MCM9: variants seen among roughly 807,000 people sequenced by gnomAD.
MCM9 encodes DNA helicase MCM9.
A neutral mutation model predicts 72.8 loss-of-function variants in MCM9; 55 were observed. That is an observed-to-expected ratio of 0.76 (90% CI 0.61 to 0.95). The LOEUF (loss-of-function observed/expected upper bound fraction) is 0.95, where lower values mean the gene tolerates loss of function less well. Among genes scored for constraint, MCM9 ranks in the 40% least tolerant of loss-of-function variants. MCM9 has a pLI of 0.00. For missense variants in MCM9, 1,279 were observed against 1,377.0 expected (o/e 0.93, Z 1.13); for synonymous variants, 480 against 503.4 (o/e 0.95, Z 0.62).
At chr6:118,904,176 G>T (rs904903302) in intron 8 of MCM9, among the ~76,000 whole-genome samples, 2 of 152,150 alleles carry the variant, frequency 1.3e-5, no homozygotes, top group African/African-American at 4.8e-5. Flanking sequence ...AAAATTCTAA[G>T]CAATATTCCA....
intron 7 of MCM9, chr6:118,913,010 AAC>A (rs1780665851): frequency 3.6e-6 from 1 of 276,772 alleles, no homozygotes; most frequent in Non-Finnish European, 6.8e-6. Flanking sequence ...TCCAACAAAA[AAC>A]ACAGTAATAG....
chr6:118,838,156 A>ATTTTTTT (rs1258185851), intron 9 of MCM9, among the ~76,000 whole-genome samples: 2 of 141,114 alleles, frequency 1.4e-5, no homozygotes, highest in African/African-American at 5.5e-5. Flanking sequence ...TGGGTTGAAA[A>ATTTTTTT]TTCTTTTTTT....
intron 8 of MCM9, among the ~76,000 whole-genome samples, chr6:118,896,189 T>C (rs922289881): frequency 6.6e-6 from 1 of 152,168 alleles, no homozygotes; most frequent in Non-Finnish European, 1.5e-5. Flanking sequence ...TGAAGTCATT[T>C]GATTACTCTC....
At chr6:118,906,298 C>T (rs1416115756) in intron 8 of MCM9, among the ~76,000 whole-genome samples, 1 of 152,110 alleles carries the variant, frequency 6.6e-6, no homozygotes, top group African/African-American at 2.4e-5. Flanking sequence ...GTCTCCAACT[C>T]CTGACCTCAA....
chr6:118,875,482 C>T (rs36136292), intron 8 of MCM9, among the ~76,000 whole-genome samples: 5 of 151,732 alleles, frequency 3.3e-5, no homozygotes, highest in African/African-American at 1.2e-4. Flanking sequence ...ACAAAATACC[C>T]AAAACTAGCC....
intron 8 of MCM9, among the ~76,000 whole-genome samples, chr6:118,872,318 C>CAAAAA (rs36127301): frequency 7.1e-6 from 1 of 140,048 alleles, no homozygotes. Flanking sequence ...GACTCCATCT[C>CAAAAA]AAAAAAAAAA....
At chr6:118,933,284 G>A (rs1295742582) in intron 1 of MCM9, among the ~76,000 whole-genome samples, 3 of 152,076 alleles carry the variant, frequency 2.0e-5, no homozygotes, top group African/African-American at 7.2e-5. Flanking sequence ...TGGATCACGA[G>A]GTCAGGAGAT....
chr6:118,888,594 AC>A (rs1778749604), intron 8 of MCM9, among the ~76,000 whole-genome samples: 1 of 152,162 alleles, frequency 6.6e-6, no homozygotes, highest in Non-Finnish European at 1.5e-5. Context: ...AAAAATGAAA[AC>A]ATTTGTCCCA....
chr6:118,888,282 C>A (rs1001065141), intron 8 of MCM9, among the ~76,000 whole-genome samples: 5 of 152,014 alleles, frequency 3.3e-5, no homozygotes, highest in Non-Finnish European at 7.4e-5. Context: ...GTCAGTAGAT[C>A]GAGACCATCC....
chr6:118,845,956 C>T lies in MCM9; in HGVS notation c.1325+10415G>A, dbSNP rs536877582. ...GATTCTAAAGGATATGAACAAATCT[C>T]ATTCCATTTCTATATTTGAGCTCTT... On this transcript the variant is annotated intron_variant, in intron 9 of 13. Coordinates refer to ENST00000619706, the MANE Select transcript of MCM9 (RefSeq NM_017696.3). Among the ~76,000 whole-genome samples, 5 of 151,914 alleles carry T rather than the reference C, an allele frequency of 3.3e-5. No homozygotes were observed. The South Asian group carries it at 6.2e-4, about 19-fold the overall frequency.
intron 8 of MCM9, among the ~76,000 whole-genome samples, chr6:118,906,480 A>T (rs1006697363): frequency 6.6e-6 from 1 of 152,176 alleles, no homozygotes; most frequent in African/African-American, 2.4e-5. Context: ...AGGACAAACA[A>T]ATGCATTTTT....
At chr6:118,831,480 T>C (rs1393454943) in intron 9 of MCM9, among the ~76,000 whole-genome samples, 2 of 151,810 alleles carry the variant, frequency 1.3e-5, no homozygotes, top group Non-Finnish European at 2.9e-5. Context: ...GAGGAGATTA[T>C]GAGAGATAAG....
At chr6:118,900,366 A>G (rs1779726147) in intron 8 of MCM9, among the ~76,000 whole-genome samples, 2 of 152,206 alleles carry the variant, frequency 1.3e-5, no homozygotes, top group African/African-American at 4.8e-5. Flanking sequence ...TGATATACAA[A>G]AAAAGGGGGA....
intron 8 of MCM9, chr6:118,894,596 C>T (rs1779215239): frequency 7.7e-7 from 1 of 1,292,808 alleles, no homozygotes; most frequent in African/African-American, 1.5e-5. Flanking sequence ...GGCCGGGCCT[C>T]GCGCTGGGCG....
intron 11 of MCM9, among the ~76,000 whole-genome samples, chr6:118,827,571 T>TA (rs1774246937): frequency 6.6e-6 from 1 of 152,132 alleles, no homozygotes; most frequent in Admixed American, 6.5e-5. Flanking sequence ...CTAGTGATGC[T>TA]ATATGGGAAA....
At chr6:118,924,230 G>A in intron 3 of MCM9, 103 bp from the exon 4 acceptor site, 5 of 1,058,286 alleles carry the variant, frequency 4.7e-6, no homozygotes, top group Admixed American at 2.3e-5. Context: ...TTAATTTCAG[G>A]GGGAAAAAAA....
rs1250919572 is a variant in MCM9 at position 118,931,453 on chromosome 6, A to C, written c.271T>G (p.Ser91Ala). 1 of 1,612,744 alleles carries C rather than the reference A, an allele frequency of 6.2e-7. No homozygotes were observed. Among genetic ancestry groups the C allele is most frequent in the East Asian group, 2.2e-5 (1 of 44,852 alleles). ...CTGGCATGAAGATTCTGTTTCATGGAAACAGCCTCAGGCTGAGAAAGGGAC... is the reference window on the plus strand; with the variant it reads ...CTGGCATGAAGATTCTGTTTCATGGCAACAGCCTCAGGCTGAGAAAGGGAC... ...LQSLSQPEAV[S>A]MKQNLHARIS... The change falls in exon 3 of 14, where the codon TCC (serine) becomes GCC (alanine). Residue 91 changes from serine to alanine, a missense_variant. Physicochemically the swap from Ser to Ala is moderately conservative, Grantham distance 99 (BLOSUM62 1). Coordinates refer to ENST00000619706, the MANE Select transcript of MCM9 (RefSeq NM_017696.3).
intron 1 of MCM9, among the ~76,000 whole-genome samples, chr6:118,934,094 A>G (rs1782689376): frequency 6.6e-6 from 1 of 152,224 alleles, no homozygotes; most frequent in Non-Finnish European, 1.5e-5. Flanking sequence ...CAAGGCAGGA[A>G]AAGGGCAGCA....
intron 6 of MCM9, among the ~76,000 whole-genome samples, chr6:118,914,690 G>A (rs964434865): frequency 6.6e-6 from 1 of 152,100 alleles, no homozygotes; most frequent in African/African-American, 2.4e-5. Context: ...CATGTGGAAG[G>A]AAAGAAGAAA....
Sources: allele counts gnomAD v4.1 joint callset (sites outside exome capture counted in the v4.1 genomes callset), GRCh38; gene constraint gnomAD v4.1.1; transcripts MANE v1.5; gene names NCBI Gene and HGNC (gene_info 2026-07-23, HGNC 2026-07-21).